AFF3: variants seen among roughly 807,000 people sequenced by gnomAD.
AFF3 encodes the protein ALF transcription elongation factor 3.
In AFF3, 32 loss-of-function variants were observed where a neutral mutation model predicts 129.7. That is an observed-to-expected ratio of 0.25 (90% CI 0.19 to 0.33). AFF3 has a LOEUF of 0.33. AFF3 is among the 10% of genes least tolerant of loss of function. AFF3 has a pLI of 1.00. For missense variants in AFF3, 1,373 were observed against 1,592.0 expected (o/e 0.86, Z 2.34); for synonymous variants, 644 against 635.4 (o/e 1.01, Z -0.20).
chr2:99,870,465 G>T (rs1229272244), intron 7 of AFF3, among the ~76,000 whole-genome samples: 2 of 152,182 alleles, frequency 1.3e-5, no homozygotes, highest in Non-Finnish European at 2.9e-5. Context: ...GAGAAAAGCG[G>T]GGTTGTACCC....
Position 99,691,249 on chromosome 2 carries a change from C to T in AFF3, c.1092-18660G>A, listed in dbSNP as rs567472073. Among the ~76,000 whole-genome samples, 11 of 152,256 alleles carry T rather than the reference C, an allele frequency of 7.2e-5. No individual in the cohort carries two copies. In the South Asian group the frequency reaches 2.1e-3, roughly 29 times the overall value. ...GGCTGTGCTCAGTCACTGCTCATTC[C>T]GCCCATGTGGAGGAAAAGGTTCAAG... is the stretch of plus-strand genomic sequence containing the variant. On this transcript the variant is annotated intron_variant, in intron 11 of 24. Transcript: ENST00000672756.
chr2:100,069,146 A>T (rs1232689088), intron 4 of AFF3, among the ~76,000 whole-genome samples: 3 of 152,070 alleles, frequency 2.0e-5, no homozygotes, highest in Non-Finnish European at 4.4e-5. Flanking sequence ...AAAGAACAAG[A>T]TCATGCCCTT....
chr2:100,057,189 C>T (rs547103781), intron 4 of AFF3, among the ~76,000 whole-genome samples: 147 of 151,916 alleles, frequency 9.7e-4, no homozygotes, highest in Admixed American at 1.8e-3. Flanking sequence ...GGCATGGTGG[C>T]GGGCGCCTGT....
Position 99,582,993 on chromosome 2 carries a change from T to G in AFF3, c.2598A>C (p.Ala866=). 1.2e-6 allele frequency: 2 copies of G among 1,613,916 alleles called. No individual in the cohort carries two copies. Among genetic ancestry groups the G allele is most frequent in the Non-Finnish European group, 1.7e-6 (2 of 1,179,878 alleles). The change falls in exon 17 of 25, where the codon GCA becomes GCC. Residue 866 remains alanine, a synonymous_variant. Coordinates refer to ENST00000672756, the MANE Select transcript of AFF3 (RefSeq NM_001386135.1). Reference sequence around the variant, plus strand: ...TTTTTTCATTTTTATTTATTGGTATTGCCACACTGAAAAAGGAAATTACGG... The same window carrying G: ...TTTTTTCATTTTTATTTATTGGTATGGCCACACTGAAAAAGGAAATTACGG... ...NHCNMNINSV[A]IPINKNEKML... is the part of the protein sequence containing the mutation.
At chr2:99,672,201 C>CGAATA (rs1558729209) in intron 12 of AFF3, among the ~76,000 whole-genome samples, 1 of 30,602 alleles carries the variant, frequency 3.3e-5, no homozygotes, top group African/African-American at 2.1e-4. Context: ...CACACACACA[C>CGAATA]ACACACACAC....
At chr2:99,961,277 T>A (rs561292189) in intron 7 of AFF3, among the ~76,000 whole-genome samples, 1 of 152,332 alleles carries the variant, frequency 6.6e-6, no homozygotes, top group East Asian at 1.9e-4. Context: ...TTCTACCAGC[T>A]AGAGGCCTCT....
chr2:99,990,125 T>A (rs1292069899), intron 7 of AFF3, among the ~76,000 whole-genome samples: 1 of 152,158 alleles, frequency 6.6e-6, no homozygotes, highest in African/African-American at 2.4e-5. Context: ...GGCACAGTCC[T>A]TACTCACAGA....
At chr2:99,876,623 A>T (rs953672510) in intron 7 of AFF3, among the ~76,000 whole-genome samples, 2 of 152,088 alleles carry the variant, frequency 1.3e-5, no homozygotes, top group Non-Finnish European at 2.9e-5. Flanking sequence ...GAATCAGATC[A>T]TGTCATTCCC....
intron 13 of AFF3, among the ~76,000 whole-genome samples, chr2:99,607,602 G>A (rs908354689): frequency 2.0e-5 from 3 of 151,794 alleles, no homozygotes; most frequent in Non-Finnish European, 2.9e-5. Flanking sequence ...GCTCCTGCCT[G>A]CCAAGTGTAT....
chr2:99,868,016 C>T (rs1467947853), intron 7 of AFF3, among the ~76,000 whole-genome samples: 1 of 136,166 alleles, frequency 7.3e-6, no homozygotes. Context: ...CTCTTTCTTT[C>T]CTTTTTTTTT....
At chr2:99,589,634 CGT>C (rs1678470782) in intron 15 of AFF3, among the ~76,000 whole-genome samples, 1 of 151,956 alleles carries the variant, frequency 6.6e-6, no homozygotes, top group Non-Finnish European at 1.5e-5. Flanking sequence ...CTCTTGATCT[CGT>C]GATCTGCCCA....
chr2:99,920,540 A>G (rs974226964), intron 7 of AFF3, among the ~76,000 whole-genome samples: 1 of 152,084 alleles, frequency 6.6e-6, no homozygotes, highest in Non-Finnish European at 1.5e-5. Context: ...GCAAACAAGG[A>G]ATAGCATTTT....
intron 4 of AFF3, among the ~76,000 whole-genome samples, chr2:100,037,659 T>G (rs60363335): frequency 0.042 from 4,531 of 108,544 alleles, 322 homozygotes; most frequent in African/African-American, 0.17. Context: ...TATTTATATT[T>G]TATATATTAT....
intron 7 of AFF3, among the ~76,000 whole-genome samples, chr2:99,884,700 G>A (rs573250628): frequency 1.4e-4 from 21 of 151,138 alleles, no homozygotes; most frequent in Middle Eastern, 3.4e-3. Context: ...CACTGCACCC[G>A]GCCTGCTTAT....
chr2:99,783,325 G>C (rs1684541097), intron 8 of AFF3, among the ~76,000 whole-genome samples: 1 of 152,166 alleles, frequency 6.6e-6, no homozygotes, highest in African/African-American at 2.4e-5. Flanking sequence ...TCCTCTTCTA[G>C]AGCCTGCCTA....
intron 2 of AFF3, chr2:100,106,705 C>G (rs1425457570): frequency 5.1e-6 from 5 of 985,922 alleles, no homozygotes; most frequent in Non-Finnish European, 6.0e-6. Flanking sequence ...CGGCCCTCAC[C>G]GGGATCTGGC....
intron 7 of AFF3, among the ~76,000 whole-genome samples, chr2:99,925,771 A>G (rs76379152): frequency 0.013 from 1,929 of 152,340 alleles, 43 homozygotes; most frequent in African/African-American, 0.044. Context: ...GAACATGATT[A>G]AAGACCCAGT....
chr2:99,888,507 C>A (rs1016816472), intron 7 of AFF3, among the ~76,000 whole-genome samples: 1 of 152,156 alleles, frequency 6.6e-6, no homozygotes. Flanking sequence ...TGTGTATTAT[C>A]TTTTCCTTTA....
intron 2 of AFF3, among the ~76,000 whole-genome samples, chr2:100,124,443 T>C (rs954926825): frequency 6.6e-6 from 1 of 152,188 alleles, no homozygotes; most frequent in Non-Finnish European, 1.5e-5. Flanking sequence ...GGCAGAATAA[T>C]GGTATTTTCA....
Sources: allele counts gnomAD v4.1 joint callset (sites outside exome capture counted in the v4.1 genomes callset), GRCh38; gene constraint gnomAD v4.1.1; transcripts MANE v1.5; gene names NCBI Gene and HGNC (gene_info 2026-07-23, HGNC 2026-07-21).